Variants in SEPTIN9 observed in about 807,000 individuals in gnomAD.
The protein encoded by SEPTIN9 is septin 9.
Under a neutral mutation model 56.6 loss-of-function variants are expected in SEPTIN9, and 13 were observed. The observed-to-expected ratio is 0.23, with a 90% confidence interval of 0.15 to 0.37. The LOEUF is 0.37. SEPTIN9 is among the 10% of genes least tolerant of loss of function. The probability of loss-of-function intolerance (pLI) is 1.00; values close to 1 mark genes in which losing one functional copy is unlikely to be tolerated. For missense variants in SEPTIN9, 650 were observed against 823.1 expected, an observed-to-expected ratio of 0.79 and a Z score of 2.57; for synonymous variants, 332 against 334.1, an observed-to-expected ratio of 0.99 and a Z score of 0.07.
chr17:77,399,384 C>T (rs886085489), intron 2 of SEPTIN9, among the ~76,000 whole-genome samples: 7 of 152,142 alleles, frequency 4.6e-5, no homozygotes, highest in African/African-American at 1.7e-4. Flanking sequence ...ATGCTGAGGA[C>T]ACCTGGAAGC....
At chr17:77,344,654 C>T (rs1478905555) in intron 2 of SEPTIN9, among the ~76,000 whole-genome samples, 2 of 152,108 alleles carry the variant, frequency 1.3e-5, no homozygotes, top group Non-Finnish European at 2.9e-5. Context: ...TCCATCTGTA[C>T]AGTGGAATAT....
chr17:77,314,046 A>G (rs2032606277), intron 2 of SEPTIN9, among the ~76,000 whole-genome samples: 5 of 152,216 alleles, frequency 3.3e-5, no homozygotes, highest in South Asian at 2.1e-4. Context: ...CTAAAAATAC[A>G]AAAAGTTAGC....
chr17:77,302,551 G>A (rs545445241), intron 1 of SEPTIN9, among the ~76,000 whole-genome samples: 3 of 152,156 alleles, frequency 2.0e-5, no homozygotes, highest in South Asian at 2.1e-4. Context: ...GGTAGTGCAT[G>A]CTTGTAATCC....
chr17:77,288,192 G>C, intron 1 of SEPTIN9: 1 of 1,055,304 alleles, frequency 9.5e-7, no homozygotes, highest in East Asian at 5.3e-5. Context: ...ATGGGGATGT[G>C]GCTTCAGTCT....
chr17:77,406,872 T>C (rs2036100422), intron 3 of SEPTIN9, among the ~76,000 whole-genome samples: 1 of 152,020 alleles, frequency 6.6e-6, no homozygotes. Flanking sequence ...GGTTTCACCA[T>C]ATAGGCCAGG....
chr17:77,358,937 C>T (rs2034335181), intron 2 of SEPTIN9, among the ~76,000 whole-genome samples: 1 of 152,114 alleles, frequency 6.6e-6, no homozygotes, highest in Non-Finnish European at 1.5e-5. Context: ...GTTATGGGGG[C>T]CCAGGACAGC....
At chr17:77,399,395 C>T (rs765173860) in intron 2 of SEPTIN9, among the ~76,000 whole-genome samples, 8 of 152,118 alleles carry the variant, frequency 5.3e-5, no homozygotes, top group African/African-American at 1.4e-4. Flanking sequence ...ACCTGGAAGC[C>T]GGCCCCTGCT....
chr17:77,351,898 G>A (rs1465544313), intron 2 of SEPTIN9, among the ~76,000 whole-genome samples: 1 of 152,252 alleles, frequency 6.6e-6, no homozygotes, highest in African/African-American at 2.4e-5. Context: ...TGCTTGGTCA[G>A]CAGCGGTGCT....
rs112789192 is a variant in SEPTIN9, at chr17:77,339,816, G to GT, written c.76+32629dup. Among the ~76,000 whole-genome samples, 412 of 90,280 alleles carry GT rather than the reference G, an allele frequency of 4.6e-3. No homozygotes were observed. The East Asian group carries it at 0.12, about 26-fold the overall frequency. The allele number at this position is 90,280 out of a possible 152,430, so 59.2% of individuals were successfully genotyped here. ...TGAGCCACTGCACCGGGCCCTATTT[G>GT]TTTTTTTTTTGTTGTTGTTTTTTAA... On this transcript the variant is annotated intron_variant, in intron 2 of 11. Transcript: ENST00000427177.
In SEPTIN9 at chr17:77,487,402, C is replaced by G. The variant is rs200578573; in HGVS notation, c.914-22C>G. 1 of 1,584,392 alleles carries G rather than the reference C, an allele frequency of 6.3e-7. No individual in the cohort carries two copies. On this transcript the variant is annotated intron_variant, in intron 4 of 11. Transcript: ENST00000427177. This position sits in a 1 kb window ranked among gnomAD's most constrained non-coding sequence, Gnocchi z 4.3. The stretch of plus-strand genomic sequence containing the variant: ...TGGTCTCTCCGGAGAGACCCCTGAC[C>G]GGCCTCCCATCCTCTCCCCAGGGCA...
At chr17:77,390,793 G>A (rs1349708169) in intron 2 of SEPTIN9, among the ~76,000 whole-genome samples, 9 of 152,218 alleles carry the variant, frequency 5.9e-5, no homozygotes, top group Admixed American at 3.3e-4. Flanking sequence ...GACCCTGGGT[G>A]TGGTTACTCC....
chr17:77,497,121 A>G (rs2040301230), intron 10 of SEPTIN9, 194 bp from the exon 11 acceptor site: 1 of 664,300 alleles, frequency 1.5e-6, no homozygotes, highest in Non-Finnish European at 2.8e-6. Context: ...TCACTCCAGT[A>G]TCCCCCAGAC....
In SEPTIN9 at chr17:77,436,493, G is replaced by C. The variant is rs971956645; in HGVS notation, c.721+33790G>C. Among the ~76,000 whole-genome samples, 1 of 152,204 alleles carries C rather than the reference G, an allele frequency of 6.6e-6. No individual in the cohort carries two copies. Among genetic ancestry groups the C allele is most frequent in the Non-Finnish European group, 1.5e-5 (1 of 68,034 alleles). On this transcript the variant is annotated intron_variant, in intron 3 of 11. Transcript: ENST00000427177. This position sits in a 1 kb window ranked among gnomAD's most constrained non-coding sequence, Gnocchi z 4.4. Reference sequence around the variant, plus strand: ...GGACGGGGGCGGGGCTGGAGCCAGCGGGGTGGGGGTATCCAGCAAGAGCTC... The same window carrying C: ...GGACGGGGGCGGGGCTGGAGCCAGCCGGGTGGGGGTATCCAGCAAGAGCTC...
At chr17:77,355,757 C>T (rs1249808506) in intron 2 of SEPTIN9, among the ~76,000 whole-genome samples, 5 of 150,630 alleles carry the variant, frequency 3.3e-5, no homozygotes, top group African/African-American at 9.8e-5. Flanking sequence ...CCGAGGTGGG[C>T]GGATCACAAG....
At chr17:77,483,502 C>G (rs563025772) in intron 4 of SEPTIN9, 1 of 152,914 alleles carries the variant, frequency 6.5e-6, no homozygotes, top group Non-Finnish European at 1.5e-5. Context: ...GGCTGCCTCC[C>G]GGGAAGATGG....
rs2033130761 is a variant in SEPTIN9, at chr17:77,326,115, G to T, written c.76+18918G>T. On this transcript the variant is annotated intron_variant, in intron 2 of 11. Coordinates refer to ENST00000427177, the MANE Select transcript of SEPTIN9 (RefSeq NM_001113491.2). The surrounding 1 kb of genome is among the most constrained non-coding windows in gnomAD (Gnocchi z 5.1). ...CCGCCTCCTACCCCTTCTTCCAAGG[G>T]GTCATCTCTGCTTCCCTCCCCACCC... Among the ~76,000 whole-genome samples the T allele has an allele frequency of 6.6e-6, 1 of 152,018 alleles. No individual in the cohort carries two copies. Among genetic ancestry groups the T allele is most frequent in the African/African-American group, 2.4e-5 (1 of 41,370 alleles).
rs1198646551 is a variant in SEPTIN9, at chr17:77,456,864, G to C, written c.722-25280G>C. Among the ~76,000 whole-genome samples the C allele has an allele frequency of 2.0e-5, 3 of 152,078 alleles. No homozygotes were observed. In the East Asian group the frequency reaches 5.8e-4, roughly 29 times the overall value. On this transcript the variant is annotated intron_variant, in intron 3 of 11. Transcript: ENST00000427177. The surrounding 1 kb of genome is among the most constrained non-coding windows in gnomAD (Gnocchi z 6.0). ...GGCCAATACCAGATCCCAGTGACCA[G>C]CACTAGATGTCCACAGCCAGAGATG...
intron 10 of SEPTIN9, among the ~76,000 whole-genome samples, chr17:77,494,951 G>T (rs2040189696): frequency 6.6e-6 from 1 of 152,242 alleles, no homozygotes; most frequent in Admixed American, 6.5e-5. Context: ...GTGGTGTCAG[G>T]CTGGCTTGCC....
rs115673360 is a variant in SEPTIN9, at chr17:77,283,807, A to G, written c.19+2253A>G. Among the ~76,000 whole-genome samples the G allele has an allele frequency of 3.7e-3, 561 of 152,286 alleles. 2 individuals are homozygous for G. The highest frequency in any genetic ancestry group is 0.013 in the African/African-American group (534 of 41,548). On this transcript the variant is annotated intron_variant, in intron 1 of 11. Coordinates refer to ENST00000427177, the MANE Select transcript of SEPTIN9 (RefSeq NM_001113491.2). ...GTGGGTCTATAGACAGTCATCGAAG[A>G]CACTTTATGTGCTGGGCACACATGG...
Sources: gnomAD v4.1 joint callset for allele counts (sites outside exome capture counted in the v4.1 genomes callset) on GRCh38, gnomAD v4.1.1 for gene constraint, Gnocchi (gnomAD v3.1) non-coding constraint, MANE v1.5 for transcripts, NCBI Gene and HGNC (gene_info 2026-07-23, HGNC 2026-07-21) for gene names.